NPSR1: variants seen among roughly 807,000 people sequenced by gnomAD.
NPSR1 encodes neuropeptide S receptor 1, also known as neuropeptide S receptor.
In NPSR1, 48 loss-of-function variants were observed where a neutral mutation model predicts 46.9. The observed-to-expected ratio is 1.02, with a 90% CI of 0.81 to 1.30. The LOEUF (loss-of-function observed/expected upper bound fraction) is 1.30. Ranked by LOEUF, NPSR1 falls within the 50% of genes most tolerant of loss-of-function variation. NPSR1 has a pLI of 0.00. For synonymous variants in NPSR1, 176 were observed against 168.1 expected, an observed-to-expected ratio of 1.05 and a Z score of -0.36; for missense variants, 450 against 449.5, an observed-to-expected ratio of 1.00 and a Z score of -0.01.
At chr7:34,751,529 T>C (rs886999064) in intron 2 of NPSR1, 9 of 1,541,182 alleles carry the variant, frequency 5.8e-6, no homozygotes, top group Middle Eastern at 1.7e-4. Context: ...TCCTCCATAG[T>C]GGTCTCGAAA....
chr7:34,673,345 G>C (rs1792152950), intron 1 of NPSR1, among the ~76,000 whole-genome samples: 1 of 152,116 alleles, frequency 6.6e-6, no homozygotes, highest in South Asian at 2.1e-4. Flanking sequence ...TGATTGTACA[G>C]ATTACAAACC....
intron 2 of NPSR1, among the ~76,000 whole-genome samples, chr7:34,771,053 A>AAG (rs1786660848): frequency 6.6e-6 from 1 of 152,232 alleles, no homozygotes; most frequent in Non-Finnish European, 1.5e-5. Context: ...TCTTGGGCAC[A>AAG]CATTCAAACT....
intron 2 of NPSR1, among the ~76,000 whole-genome samples, chr7:34,742,893 T>G (rs1562694924): frequency 1.3e-5 from 2 of 152,224 alleles, no homozygotes. Flanking sequence ...TGATTTGTAT[T>G]TCTCTAATAA....
chr7:34,706,423 C>T (rs1794113800), intron 2 of NPSR1, among the ~76,000 whole-genome samples: 1 of 152,030 alleles, frequency 6.6e-6, no homozygotes, highest in South Asian at 2.1e-4. Context: ...TATCTTGGTC[C>T]TATTCTTCTA....
At chr7:34,774,933 G>A (rs550911000) in intron 2 of NPSR1, among the ~76,000 whole-genome samples, 17 of 152,294 alleles carry the variant, frequency 1.1e-4, no homozygotes, top group African/African-American at 3.6e-4. Context: ...TATTGAGATT[G>A]AGAATGTAAG....
At chr7:34,688,440 T>C (rs552581867) in intron 2 of NPSR1, among the ~76,000 whole-genome samples, 4 of 152,284 alleles carry the variant, frequency 2.6e-5, no homozygotes, top group South Asian at 4.1e-4. Flanking sequence ...CAAAATAAGA[T>C]TGAAGGTTGA....
intron 2 of NPSR1, among the ~76,000 whole-genome samples, chr7:34,747,827 AC>A (rs1167846538): frequency 6.6e-6 from 1 of 152,218 alleles, no homozygotes; most frequent in African/African-American, 2.4e-5. Context: ...TTTTTATTAT[AC>A]AACTACAAAC....
intron 2 of NPSR1, among the ~76,000 whole-genome samples, chr7:34,713,430 T>C (rs1783402620): frequency 6.6e-6 from 1 of 152,152 alleles, no homozygotes; most frequent in East Asian, 1.9e-4. Context: ...TTGTAGGCCA[T>C]CAGTAATCTC....
chr7:34,783,414 C>T (rs1787320566), intron 3 of NPSR1, among the ~76,000 whole-genome samples: 1 of 152,008 alleles, frequency 6.6e-6, no homozygotes, highest in Non-Finnish European at 1.5e-5. Context: ...ATGAGAATAC[C>T]ATGGGGGAAA....
At chr7:34,829,712 C>T (rs1488128630) in intron 5 of NPSR1, among the ~76,000 whole-genome samples, 1 of 152,200 alleles carries the variant, frequency 6.6e-6, no homozygotes, top group Non-Finnish European at 1.5e-5. Flanking sequence ...CTTTTTCCAC[C>T]AGGACTTCTC....
chr7:34,685,012 A>G (rs1275937519), intron 2 of NPSR1, among the ~76,000 whole-genome samples: 1 of 152,212 alleles, frequency 6.6e-6, no homozygotes, highest in East Asian at 1.9e-4. Flanking sequence ...ATCATCCTGC[A>G]TTATAAGCTT....
intron 2 of NPSR1, chr7:34,761,095 G>T (rs538313276): frequency 6.5e-6 from 1 of 152,940 alleles, no homozygotes; most frequent in Admixed American, 6.5e-5. Flanking sequence ...ATGATCTTGG[G>T]CCCCTTCCTC....
intron 2 of NPSR1, among the ~76,000 whole-genome samples, chr7:34,737,033 A>C (rs1221809745): frequency 6.7e-6 from 1 of 150,140 alleles, no homozygotes; most frequent in East Asian, 2.0e-4. Context: ...CTCCTCTTTC[A>C]TCCTCTCCTC....
chr7:34,811,672 C>T (rs1788992484), intron 3 of NPSR1, 98 bp from the exon 4 acceptor site: 1 of 764,564 alleles, frequency 1.3e-6, no homozygotes, highest in Non-Finnish European at 2.2e-6. Flanking sequence ...TTTGGTTCAC[C>T]TCTCAGATTT....
At chr7:34,751,459 CA>C in intron 2 of NPSR1, 1 of 1,142,286 alleles carries the variant, frequency 8.8e-7, no homozygotes, top group East Asian at 2.3e-5. Context: ...TTCCATCTTG[CA>C]GAAGCCGCGG....
intron 4 of NPSR1, among the ~76,000 whole-genome samples, chr7:34,823,150 G>A (rs988228120): frequency 2.5e-4 from 38 of 152,048 alleles, no homozygotes; most frequent in African/African-American, 8.2e-4. Context: ...CAGCACTTCG[G>A]GAGGCTGAGG....
intron 4 of NPSR1, among the ~76,000 whole-genome samples, chr7:34,815,982 T>C (rs549130481): frequency 5.9e-5 from 9 of 152,304 alleles, no homozygotes; most frequent in Admixed American, 3.9e-4. Flanking sequence ...GTAAAGACCA[T>C]TGATGCTAGG....
At chr7:34,869,623 T>C (rs1216643711) in intron 8 of NPSR1, among the ~76,000 whole-genome samples, 1 of 151,804 alleles carries the variant, frequency 6.6e-6, no homozygotes, top group East Asian at 1.9e-4. Flanking sequence ...CTACACACAT[T>C]ATAGGCCTTA....
At chr7:34,789,988 A>C (rs1049759150) in intron 3 of NPSR1, among the ~76,000 whole-genome samples, 1 of 152,020 alleles carries the variant, frequency 6.6e-6, no homozygotes, top group Non-Finnish European at 1.5e-5. Flanking sequence ...GTCTTCCCCC[A>C]AAAAAGTGAA....
Sources: allele counts gnomAD v4.1 joint callset (sites outside exome capture counted in the v4.1 genomes callset), GRCh38; gene constraint gnomAD v4.1.1; transcripts MANE v1.5; gene names NCBI Gene and HGNC (gene_info 2026-07-23, HGNC 2026-07-21).